Variants in RPS14 observed in about 807,000 individuals in gnomAD.
The protein encoded by RPS14 is ribosomal protein S14, also known as small ribosomal subunit protein uS11.
In RPS14, 1 loss-of-function variant was observed where a neutral mutation model predicts 15.4. The observed-to-expected ratio is 0.07, with a 90% confidence interval of 0.02 to 0.31. RPS14 has a LOEUF of 0.31. RPS14 is among the 10% of genes least tolerant of loss of function. The probability of loss-of-function intolerance (pLI) is 1.00; values close to 1 mark genes in which losing one functional copy is unlikely to be tolerated. For synonymous variants in RPS14, 68 were observed against 74.4 expected (o/e 0.91, Z 0.44); for missense variants, 69 against 205.5 (o/e 0.34, Z 4.06).
intron 1 of RPS14, chr5:150,448,082 C>G (rs972214065): frequency 1.4e-5 from 3 of 222,052 alleles, no homozygotes; most frequent in Middle Eastern, 1.8e-3. Context: ...CAACAGCTAC[C>G]CATGTACTGG....
chr5:150,449,363 GAGGTAGAGGCGGGAGCCC>G (rs1771202638), intron 1 of RPS14: 1 of 152,214 alleles, frequency 6.6e-6, no homozygotes, highest in South Asian at 2.1e-4. Flanking sequence ...AAAGTTTGGC[GAGGTAGAGGCGGGAGCCC>G]ACGTCTGTCC....
intron 1 of RPS14, chr5:150,448,840 G>T (rs760826805): frequency 1.3e-5 from 2 of 152,212 alleles, no homozygotes; most frequent in Non-Finnish European, 2.9e-5. Context: ...TACTTCAAGT[G>T]TAAGTCTTGG....
chr5:150,444,307 A>T lies in RPS14; in HGVS notation c.435T>A (p.Gly145=), dbSNP rs1215436220. The T allele has an allele frequency of 1.2e-6, 2 of 1,607,832 alleles. No individual in the cohort carries two copies. The highest frequency in any genetic ancestry group is 8.5e-7 in the Non-Finnish European group (1 of 1,176,216). ...TTGTTCACAGACGGCGACCACGGCG[A>T]CCCCCCTTCCTGCGAGTGCTGTCAG... is the stretch of plus-strand genomic sequence containing the variant. The part of the protein sequence containing the change: ...IPSDSTRRKG[G]RRGRRL Residue 145 remains glycine (G), a synonymous_variant, in exon 5 of 5, where the codon GGT becomes GGA. Coordinates refer to ENST00000407193, the MANE Select transcript of RPS14 (RefSeq NM_005617.4).
At chr5:150,444,413 T>A in intron 4 of RPS14, 60 bp from the exon 5 acceptor site, 2 of 1,432,236 alleles carry the variant, frequency 1.4e-6, no homozygotes, top group Non-Finnish European at 1.9e-6. Flanking sequence ...CCCCCAGGAC[T>A]CCCTAGACCA....
chr5:150,442,654 T>TTCCAGACTTTAAC lies in RPS14; in HGVS notation c.*1619_*1631dup, dbSNP rs560983502. The TTCCAGACTTTAAC allele has an allele frequency of 1.3e-5, 2 of 152,214 alleles. No homozygotes were observed. Among genetic ancestry groups the TTCCAGACTTTAAC allele is most frequent in the Non-Finnish European group, 2.9e-5 (2 of 68,030 alleles). The allele number at this position is 152,214 out of a possible 1,614,324, so 9.4% of individuals were successfully genotyped here. A position where few individuals can be genotyped will look rare whatever the true frequency, so the allele number is the denominator to read the frequency against. On this transcript the variant is annotated 3_prime_UTR_variant, in exon 5 of 5. Coordinates refer to ENST00000407193, the MANE Select transcript of RPS14 (RefSeq NM_005617.4). ...CACTGGTACATTACTACTAGCTTTA[T>TTCCAGACTTTAAC]TCCAGACTTTAACTCCAGACTTTAT...
intron 1 of RPS14, chr5:150,448,081 C>T (rs1189740127): frequency 4.5e-6 from 1 of 223,040 alleles, no homozygotes; most frequent in East Asian, 1.0e-4. Flanking sequence ...CCAACAGCTA[C>T]CCATGTACTG....
intron 1 of RPS14, chr5:150,449,289 T>C (rs1328754414): frequency 6.6e-6 from 1 of 152,210 alleles, no homozygotes; most frequent in Non-Finnish European, 1.5e-5. Context: ...GGTGCTATTG[T>C]TATTCCTATT....
Position 150,446,700 on chromosome 5 carries a change from G to A in RPS14, c.311+102C>T. Reference sequence around the variant, plus strand: ...AGTATGTATATGCCTAAAATATCTTGTTCAAGGTCACAACAAAAAACCCAA... The same window carrying A: ...AGTATGTATATGCCTAAAATATCTTATTCAAGGTCACAACAAAAAACCCAA... On this transcript the variant is annotated intron_variant, in intron 3 of 4. Transcript: ENST00000407193. This position sits in a 1 kb window ranked among gnomAD's most constrained non-coding sequence, Gnocchi z 4.2. 2.3e-6 allele frequency: 3 copies of A among 1,310,314 alleles called. No individual in the cohort carries two copies. The highest frequency in any genetic ancestry group is 4.1e-5 in the Admixed American group (2 of 48,542). 81.2% of individuals were successfully genotyped at this position (1,310,314 alleles called of 1,614,324 possible).
intron 2 of RPS14, chr5:150,447,292 C>T: frequency 1.9e-6 from 1 of 532,570 alleles, no homozygotes; most frequent in South Asian, 2.4e-5. Flanking sequence ...CGAACCCGCA[C>T]CCAGAGCCCA....
rs759136657 is a variant in RPS14 at position 150,444,277 on chromosome 5, G to A, written c.*9C>T. On this transcript the variant is annotated 3_prime_UTR_variant, in exon 5 of 5. Coordinates refer to ENST00000407193, the MANE Select transcript of RPS14 (RefSeq NM_005617.4). Reference sequence around the variant, plus strand: ...ATTTATTAACAGAAAATATTTTGAGGAATCTTGTTCACAGACGGCGACCAC... The same window carrying A: ...ATTTATTAACAGAAAATATTTTGAGAAATCTTGTTCACAGACGGCGACCAC... 28 of 1,606,548 alleles carry A rather than the reference G, an allele frequency of 1.7e-5. No homozygotes were observed. The highest frequency in any genetic ancestry group is 2.3e-5 in the Non-Finnish European group (27 of 1,175,658).
chr5:150,448,900 C>T (rs1371928266), intron 1 of RPS14: 1 of 152,200 alleles, frequency 6.6e-6, no homozygotes, highest in Non-Finnish European at 1.5e-5. Context: ...ATGAGCACGA[C>T]CCAGTGCGTT....
chr5:150,446,723 CA>C lies in RPS14; in HGVS notation c.311+78del. ...TTGTTCAAGGTCACAACAAAAAACC[CA>C]AACCTCAAATCCAGGTGCTCCAGCA... is the stretch of plus-strand genomic sequence containing the variant. On this transcript the variant is annotated intron_variant, in intron 3 of 4. Coordinates refer to ENST00000407193, the MANE Select transcript of RPS14 (RefSeq NM_005617.4). This position sits in a 1 kb window ranked among gnomAD's most constrained non-coding sequence, Gnocchi z 4.2. 1 of 1,510,670 alleles carries C rather than the reference CA, an allele frequency of 6.6e-7. No homozygotes were observed. The highest frequency in any genetic ancestry group is 9.0e-7 in the Non-Finnish European group (1 of 1,113,508). The allele number at this position is 1,510,670 out of a possible 1,614,324, so 93.6% of individuals were successfully genotyped here.
chr5:150,448,590 A>G (rs149870315), intron 1 of RPS14: 2 of 152,218 alleles, frequency 1.3e-5, no homozygotes, highest in Non-Finnish European at 2.9e-5. Context: ...GAAGACACTA[A>G]CACTAATCGA....
Position 150,444,211 on chromosome 5 carries a change from A to G in RPS14, c.*75T>C, listed in dbSNP as rs1771020682. 1.3e-6 allele frequency: 2 copies of G among 1,535,488 alleles called. No homozygotes were observed. Among genetic ancestry groups the G allele is most frequent in the African/African-American group, 1.4e-5 (1 of 73,160 alleles). On this transcript the variant is annotated 3_prime_UTR_variant, in exon 5 of 5. Coordinates refer to ENST00000407193, the MANE Select transcript of RPS14 (RefSeq NM_005617.4). ...TCAAATGCCTGAGTAGCCCCTGATG[A>G]AGGAGAGAAGGCTGGAGTTGAAACA...
At chr5:150,445,805 C>T (rs889499454) in intron 3 of RPS14, 120 bp from the exon 4 acceptor site, 2 of 769,030 alleles carry the variant, frequency 2.6e-6, no homozygotes, top group Non-Finnish European at 4.4e-6. Flanking sequence ...AAGAGCCAGA[C>T]AGGGCTGTAC....
In RPS14 at chr5:150,446,750, C is replaced by T; in HGVS notation, c.311+52G>A. 6.3e-7 allele frequency: 1 copy of T among 1,587,780 alleles called. No individual in the cohort carries two copies. Among genetic ancestry groups the T allele is most frequent in the Non-Finnish European group, 8.6e-7 (1 of 1,164,508 alleles). ...AACCTCAAATCCAGGTGCTCCAGCA[C>T]CCAAGCCCAGCAGGTTTTCTACCAC... On this transcript the variant is annotated intron_variant, in intron 3 of 4. Coordinates refer to ENST00000407193, the MANE Select transcript of RPS14 (RefSeq NM_005617.4). This position sits in a 1 kb window ranked among gnomAD's most constrained non-coding sequence, Gnocchi z 4.2.
In RPS14 at chr5:150,444,027, C is replaced by T. The variant is rs568807364; in HGVS notation, c.*259G>A. 2.0e-5 allele frequency: 6 copies of T among 296,270 alleles called. No individual in the cohort carries two copies. Among genetic ancestry groups the T allele is most frequent in the Admixed American group, 5.0e-5 (1 of 19,832 alleles). 18.4% of individuals were successfully genotyped at this position (296,270 alleles called of 1,614,324 possible). A position where few individuals can be genotyped will look rare whatever the true frequency, so the allele number is the denominator to read the frequency against. ...AGAATTGGTCCATATTTAGAACCAGCATCTCCACTCAAAACGAGGTCTCCA... is the reference window on the plus strand; with the variant it reads ...AGAATTGGTCCATATTTAGAACCAGTATCTCCACTCAAAACGAGGTCTCCA... On this transcript the variant is annotated 3_prime_UTR_variant, in exon 5 of 5. Transcript: ENST00000407193.
rs1332149078 is a variant in RPS14 at position 150,444,042 on chromosome 5, C to G, written c.*244G>C. 3.0e-6 allele frequency: 1 copy of G among 337,562 alleles called. No individual in the cohort carries two copies. The allele number at this position is 337,562 out of a possible 1,614,324, so 20.9% of individuals were successfully genotyped here. The stretch of plus-strand genomic sequence containing the variant: ...TTAGAACCAGCATCTCCACTCAAAA[C>G]GAGGTCTCCAACGCCTTGGTCTGCT... On this transcript the variant is annotated 3_prime_UTR_variant, in exon 5 of 5. Coordinates refer to ENST00000407193, the MANE Select transcript of RPS14 (RefSeq NM_005617.4).
At chr5:150,445,573 A>G in intron 4 of RPS14, 36 bp downstream of exon 4, 1 of 1,596,748 alleles carries the variant, frequency 6.3e-7, no homozygotes, top group Non-Finnish European at 8.6e-7. Flanking sequence ...AATGCTTCAA[A>G]ATAAACCCAA....
Sources: allele counts gnomAD v4.1 joint callset, GRCh38; gene constraint gnomAD v4.1.1; non-coding constraint Gnocchi (gnomAD v3.1); transcripts MANE v1.5; gene names NCBI Gene and HGNC (gene_info 2026-07-23, HGNC 2026-07-21).